Variants in IGF2BP2 observed in about 807,000 individuals in gnomAD.
IGF2BP2 encodes insulin-like growth factor 2 mRNA-binding protein 2.
In IGF2BP2, 17 loss-of-function variants were observed where a neutral mutation model predicts 75.8. The ratio of observed to expected loss-of-function variants is 0.22; its 90% CI spans 0.15 to 0.34. The LOEUF is 0.34. IGF2BP2 is among the 10% of genes least tolerant of loss of function. IGF2BP2 has a pLI of 1.00. For synonymous variants in IGF2BP2, 288 were observed against 295.6 expected (o/e 0.97, Z 0.26); for missense variants, 516 against 772.4 (o/e 0.67, Z 3.93).
chr3:185,768,543 T>A (rs1733412622), intron 2 of IGF2BP2, among the ~76,000 whole-genome samples: 1 of 152,196 alleles, frequency 6.6e-6, no homozygotes, highest in Non-Finnish European at 1.5e-5. Flanking sequence ...TAAATTATAT[T>A]TTGAATATGT....
chr3:185,743,790 C>G (rs1025769960), intron 2 of IGF2BP2, among the ~76,000 whole-genome samples: 8 of 152,158 alleles, frequency 5.3e-5, no homozygotes, highest in African/African-American at 1.2e-4. Flanking sequence ...AACAAAAACT[C>G]CTGCTTGGAA....
chr3:185,651,410 A>G (rs1385104025), intron 13 of IGF2BP2, among the ~76,000 whole-genome samples: 2 of 149,240 alleles, frequency 1.3e-5, no homozygotes, highest in Non-Finnish European at 3.0e-5. Flanking sequence ...GTCTTGCTCT[A>G]TTGCCCAGCC....
intron 2 of IGF2BP2, among the ~76,000 whole-genome samples, chr3:185,795,385 C>G (rs183569904): frequency 6.6e-6 from 1 of 152,204 alleles, no homozygotes. Context: ...AATGGACACT[C>G]GGGCCACTTC....
chr3:185,717,703 T>C (rs923577913), intron 2 of IGF2BP2: 4 of 152,186 alleles, frequency 2.6e-5, no homozygotes, highest in Admixed American at 2.0e-4. Flanking sequence ...ATTAATTGTC[T>C]AAGGGGCAAA....
At chr3:185,707,198 C>CT (rs1560329545) in intron 2 of IGF2BP2, among the ~76,000 whole-genome samples, 1 of 852 alleles carries the variant, frequency 1.2e-3, no homozygotes, top group South Asian at 0.013. Context: ...GCACTCCAGC[C>CT]TGGCAACAAG....
At chr3:185,727,370 C>A (rs1727493954) in intron 2 of IGF2BP2, among the ~76,000 whole-genome samples, 2 of 152,156 alleles carry the variant, frequency 1.3e-5, no homozygotes, top group Admixed American at 6.5e-5. Context: ...GCGGGCTATG[C>A]ACCAGCCTTA....
chr3:185,717,117 C>G (rs1166079786), intron 2 of IGF2BP2: 3 of 216,168 alleles, frequency 1.4e-5, no homozygotes, highest in African/African-American at 6.9e-5. Context: ...CTGTCTCTGA[C>G]CAGGCTTCTT....
intron 2 of IGF2BP2, among the ~76,000 whole-genome samples, chr3:185,778,957 C>T (rs977073995): frequency 2.6e-5 from 4 of 152,110 alleles, no homozygotes; most frequent in African/African-American, 9.7e-5. Flanking sequence ...TAAAGTGCCT[C>T]CAGAGCTAAC....
At chr3:185,683,394 C>T (rs1310258932) in intron 7 of IGF2BP2, among the ~76,000 whole-genome samples, 2 of 151,894 alleles carry the variant, frequency 1.3e-5, no homozygotes, top group East Asian at 1.9e-4. Flanking sequence ...GAAAAGTACA[C>T]TTAAAAATGA....
At chr3:185,775,423 A>G (rs1016908050) in intron 2 of IGF2BP2, among the ~76,000 whole-genome samples, 2 of 152,214 alleles carry the variant, frequency 1.3e-5, no homozygotes, top group African/African-American at 4.8e-5. Context: ...TCCAAACAGC[A>G]TCCAATCAAG....
intron 12 of IGF2BP2, 64 bp from the exon 13 acceptor site, chr3:185,652,232 C>T (rs892162759): frequency 2.9e-6 from 4 of 1,394,120 alleles, no homozygotes; most frequent in South Asian, 1.3e-5. Flanking sequence ...TCTTTCTTGT[C>T]TAAGTGGACG....
chr3:185,647,190 TG>T lies in IGF2BP2; in HGVS notation c.1594-53del. Reference sequence around the variant, plus strand: ...TGGATAGGTTCCCTCCCCGTCAACGTGGTGGGCTCAGGACGGAGTGAGGGGC... The same window carrying T: ...TGGATAGGTTCCCTCCCCGTCAACGTGTGGGCTCAGGACGGAGTGAGGGGC... On this transcript the variant is annotated intron_variant, in intron 14 of 15. Coordinates refer to ENST00000382199, the MANE Select transcript of IGF2BP2 (RefSeq NM_006548.6). This position sits in a 1 kb window ranked among gnomAD's most constrained non-coding sequence, Gnocchi z 4.9. 1 of 1,322,806 alleles carries T rather than the reference TG, an allele frequency of 7.6e-7. No homozygotes were observed. Among genetic ancestry groups the T allele is most frequent in the Non-Finnish European group, 1.1e-6 (1 of 914,598 alleles). 81.9% of individuals were successfully genotyped at this position (1,322,806 alleles called of 1,614,324 possible).
intron 2 of IGF2BP2, among the ~76,000 whole-genome samples, chr3:185,754,827 G>T (rs1012190837): frequency 6.6e-6 from 1 of 152,178 alleles, no homozygotes; most frequent in Non-Finnish European, 1.5e-5. Context: ...GTATCTGGTG[G>T]AAGAAATTTC....
Position 185,658,592 on chromosome 3 carries a change from G to T in IGF2BP2, c.1201-183C>A, listed in dbSNP as rs898453592. On this transcript the variant is annotated intron_variant, in intron 10 of 15. Transcript: ENST00000382199. ...GCTCCACTTCTCCCACTCAGACCAC[G>T]GAATGCTTGGCAAGATGTCCCCTGG... Among the ~76,000 whole-genome samples, 4 of 152,318 alleles carry T rather than the reference G, an allele frequency of 2.6e-5. No homozygotes were observed. The East Asian group carries it at 7.7e-4, about 29-fold the overall frequency.
chr3:185,677,068 T>TATATAGAGAGAGAG, intron 7 of IGF2BP2, among the ~76,000 whole-genome samples: 23 of 35,854 alleles, frequency 6.4e-4, no homozygotes, highest in African/African-American at 3.1e-3. Flanking sequence ...TATATATATA[T>TATATAGAGAGAGAG]AGAGAGAGAG....
intron 2 of IGF2BP2, among the ~76,000 whole-genome samples, chr3:185,701,621 T>C (rs1723319566): frequency 6.6e-6 from 1 of 152,162 alleles, no homozygotes; most frequent in South Asian, 2.1e-4. Flanking sequence ...ACAATGGCAT[T>C]TCCCTGTAAT....
intron 2 of IGF2BP2, among the ~76,000 whole-genome samples, chr3:185,758,255 G>A (rs994152014): frequency 6.6e-6 from 1 of 152,162 alleles, no homozygotes; most frequent in African/African-American, 2.4e-5. Flanking sequence ...AGCCTTAGGA[G>A]GTATGCAAAA....
In IGF2BP2 at chr3:185,647,598, G is replaced by A. The variant is rs990481233; in HGVS notation, c.1594-460C>T. Among the ~76,000 whole-genome samples, 10 of 151,906 alleles carry A rather than the reference G, an allele frequency of 6.6e-5. No homozygotes were observed. The highest frequency in any genetic ancestry group is 2.2e-4 in the African/African-American group (9 of 41,320). On this transcript the variant is annotated intron_variant, in intron 14 of 15. Transcript: ENST00000382199. This position sits in a 1 kb window ranked among gnomAD's most constrained non-coding sequence, Gnocchi z 4.9. ...TCAGCCCTGCTGTTCCCTCCTCCTC[G>A]TTTTCACTCCTGCCGCCAAGACTTG...
At position 185,689,476 on chromosome 3, in the gene IGF2BP2, T is replaced by G. The variant is rs1166905609; in HGVS notation, c.556A>C (p.Thr186Pro). The G allele has an allele frequency of 6.2e-7, 1 of 1,613,678 alleles. No individual in the cohort carries two copies. The highest frequency in any genetic ancestry group is 1.1e-5 in the South Asian group (1 of 91,056). The change falls in exon 6 of 16, where the codon ACT becomes CCT. Residue 186 changes from threonine (T) to proline (P), a missense_variant. Physicochemically the swap from Thr to Pro is conservative, Grantham distance 38. Coordinates refer to ENST00000382199, the MANE Select transcript of IGF2BP2 (RefSeq NM_006548.6). ...SREQGHAPGG[T>P]SQARQIDFPL... The stretch of plus-strand genomic sequence containing the variant: ...AAATCAATCTGTCTGGCCTGAGAAG[T>G]GCCCCCAGGGGCGTGGCCTTGCTCC...
Sources: gnomAD v4.1 joint callset for allele counts (sites outside exome capture counted in the v4.1 genomes callset) on GRCh38, gnomAD v4.1.1 for gene constraint, Gnocchi (gnomAD v3.1) non-coding constraint, MANE v1.5 for transcripts, NCBI Gene and HGNC (gene_info 2026-07-23, HGNC 2026-07-21) for gene names.